SBF2: variants seen among roughly 807,000 people sequenced by gnomAD.
SBF2 encodes myotubularin-related protein 13.
A neutral mutation model predicts 225.2 loss-of-function variants in SBF2; 112 were observed. The ratio of observed to expected loss-of-function variants is 0.50; its 90% CI spans 0.43 to 0.58. The LOEUF is 0.58. Among genes scored for constraint, SBF2 ranks in the 20% least tolerant of loss-of-function variants. SBF2 has a pLI of 0.00. For synonymous variants in SBF2, 763 were observed against 773.3 expected, an observed-to-expected ratio of 0.99 and a Z score of 0.22; for missense variants, 1,996 against 2,206.2, an observed-to-expected ratio of 0.90 and a Z score of 1.91.
intron 2 of SBF2, among the ~76,000 whole-genome samples, chr11:10,185,733 G>C (rs1157132556): frequency 2.6e-5 from 4 of 151,496 alleles, no homozygotes; most frequent in Admixed American, 2.6e-4. Context: ...TGTGCTTGTA[G>C]ATCTCCTTAT....
chr11:10,157,193 G>A lies in SBF2; in HGVS notation c.141+36709C>T, dbSNP rs530905225. Among the ~76,000 whole-genome samples the A allele has an allele frequency of 1.6e-4, 25 of 152,294 alleles. No individual in the cohort carries two copies. In the South Asian group the frequency reaches 4.6e-3, roughly 28 times the overall value. ...AAGGATTCCCTATTCAATAAATGGC[G>A]CTGGAATAACTGGCTAGCCTTACGC... On this transcript the variant is annotated intron_variant, in intron 2 of 39. Coordinates refer to ENST00000256190, the MANE Select transcript of SBF2 (RefSeq NM_030962.4).
chr11:10,160,310 T>C (rs1347597198), intron 2 of SBF2, among the ~76,000 whole-genome samples: 3 of 152,230 alleles, frequency 2.0e-5, no homozygotes, highest in Admixed American at 2.0e-4. Flanking sequence ...CCCCAAACTA[T>C]ACCTTTTTCT....
chr11:10,268,040 T>G (rs1338870554), intron 1 of SBF2, among the ~76,000 whole-genome samples: 3 of 152,178 alleles, frequency 2.0e-5, no homozygotes, highest in Non-Finnish European at 4.4e-5. Context: ...TCAAATTCCC[T>G]AGAAGACCGC....
chr11:10,103,231 T>C (rs903703747), intron 2 of SBF2, among the ~76,000 whole-genome samples: 1 of 152,226 alleles, frequency 6.6e-6, no homozygotes, highest in African/African-American at 2.4e-5. Flanking sequence ...CCTTTGATAT[T>C]TGACAAACTT....
At chr11:10,141,783 C>T (rs931846351) in intron 2 of SBF2, among the ~76,000 whole-genome samples, 1 of 152,104 alleles carries the variant, frequency 6.6e-6, no homozygotes, top group South Asian at 2.1e-4. Flanking sequence ...CCAACTGATA[C>T]ATTAGTTCAA....
chr11:9,975,852 T>A (rs956735113), intron 13 of SBF2, among the ~76,000 whole-genome samples: 6 of 152,174 alleles, frequency 3.9e-5, no homozygotes, highest in Non-Finnish European at 8.8e-5. Flanking sequence ...GCAAACAGTA[T>A]AAATATCATC....
At position 9,993,090 on chromosome 11, in the gene SBF2, C is replaced by T. The variant is rs188588431; in HGVS notation, c.1067G>A (p.Arg356Gln). ...TGCAAATAATCTAAGGAAAACGGCT[C>T]GCACCTCTTTATCCTAAAAATATAA... ...SHSKMLDKEV[R>Q]AVFLRLFAQL... The change falls in exon 11 of 40, where the codon CGA (arginine) becomes CAA (glutamine). Residue 356 changes from arginine (R) to glutamine (Q), a missense_variant. By Grantham distance (43) the Arg-to-Gln change is conservative. Coordinates refer to ENST00000256190, the MANE Select transcript of SBF2 (RefSeq NM_030962.4). The T allele has an allele frequency of 6.2e-5, 100 of 1,609,614 alleles. No homozygotes were observed. Among genetic ancestry groups the T allele is most frequent in the African/African-American group, 8.0e-5 (6 of 74,946 alleles).
At chr11:10,216,352 G>A (rs967020444) in intron 1 of SBF2, among the ~76,000 whole-genome samples, 1 of 152,170 alleles carries the variant, frequency 6.6e-6, no homozygotes, top group South Asian at 2.1e-4. Flanking sequence ...CTCACCAACT[G>A]ATGTTACCTA....
At chr11:9,946,292 G>T (rs1232818408) in intron 16 of SBF2, among the ~76,000 whole-genome samples, 1 of 152,114 alleles carries the variant, frequency 6.6e-6, no homozygotes, top group African/African-American at 2.4e-5. Context: ...AACATGGATG[G>T]AGCTGGAGGC....
chr11:10,114,880 G>A (rs1295074660), intron 2 of SBF2, among the ~76,000 whole-genome samples: 1 of 152,064 alleles, frequency 6.6e-6, no homozygotes, highest in Non-Finnish European at 1.5e-5. Flanking sequence ...GGTTTATAAT[G>A]CCTGTAACCA....
At chr11:10,286,187 C>G (rs576991526) in intron 1 of SBF2, among the ~76,000 whole-genome samples, 9 of 152,132 alleles carry the variant, frequency 5.9e-5, no homozygotes, top group Admixed American at 2.6e-4. Context: ...CACACACACA[C>G]ACACACACGG....
intron 34 of SBF2, 22 bp from the exon 35 acceptor site, chr11:9,789,364 T>C (rs1330972752): frequency 1.3e-6 from 2 of 1,584,904 alleles, no homozygotes; most frequent in Non-Finnish European, 1.7e-6. Flanking sequence ...AACAGAAATA[T>C]AGTTTCATCT....
At chr11:10,254,201 T>C (rs1017013691) in intron 1 of SBF2, among the ~76,000 whole-genome samples, 12 of 151,990 alleles carry the variant, frequency 7.9e-5, no homozygotes, top group African/African-American at 2.9e-4. Flanking sequence ...CTGAGCAACA[T>C]AGTAAGACTC....
intron 28 of SBF2, among the ~76,000 whole-genome samples, chr11:9,823,074 G>A (rs1854865607): frequency 6.6e-6 from 1 of 152,144 alleles, no homozygotes. Flanking sequence ...AATATACCCA[G>A]CTATTATATT....
chr11:9,882,684 G>A (rs1859901071), intron 17 of SBF2, among the ~76,000 whole-genome samples: 1 of 150,158 alleles, frequency 6.7e-6, no homozygotes, highest in African/African-American at 2.4e-5. Context: ...GCAGGCGCCT[G>A]TAATCCCAGC....
chr11:9,974,982 AAAAAAAG>A (rs1946619167), intron 13 of SBF2, among the ~76,000 whole-genome samples: 8 of 75,204 alleles, frequency 1.1e-4, no homozygotes, highest in South Asian at 4.9e-4. Flanking sequence ...AAAAAAAAAA[AAAAAAAG>A]AAAAAAAGAA....
chr11:9,849,181 A>ATT (rs34775514), intron 22 of SBF2, among the ~76,000 whole-genome samples: 1 of 151,474 alleles, frequency 6.6e-6, no homozygotes, highest in Non-Finnish European at 1.5e-5. Flanking sequence ...AGAAACTGGT[A>ATT]TTTTTTTTTA....
At chr11:10,188,993 G>C (rs78974799) in intron 2 of SBF2, among the ~76,000 whole-genome samples, 14,474 of 152,064 alleles carry the variant, frequency 0.095, 941 homozygotes, top group East Asian at 0.29. Flanking sequence ...TTCCACACAC[G>C]GTTTATACCA....
Position 9,955,310 on chromosome 11 carries a change from T to C in SBF2, c.1860+6647A>G, listed in dbSNP as rs928843713. Among the ~76,000 whole-genome samples the C allele has an allele frequency of 5.3e-5, 8 of 152,092 alleles. No homozygotes were observed. In the East Asian group the frequency reaches 1.5e-3, roughly 29 times the overall value. ...ATCCTTCCAGATTTTTACTATCATA[T>C]ACATACATACATACATATAATTTTA... On this transcript the variant is annotated intron_variant, in intron 16 of 39. Coordinates refer to ENST00000256190, the MANE Select transcript of SBF2 (RefSeq NM_030962.4).
Sources: gnomAD v4.1 joint callset for allele counts (sites outside exome capture counted in the v4.1 genomes callset) on GRCh38, gnomAD v4.1.1 for gene constraint, MANE v1.5 for transcripts, NCBI Gene and HGNC (gene_info 2026-07-23, HGNC 2026-07-21) for gene names.